Variants in CARD10 observed in about 807,000 individuals in gnomAD.
CARD10 encodes the protein caspase recruitment domain family member 10, also known as caspase recruitment domain-containing protein 10.
CARD10 carries 49 observed loss-of-function variants against 114.6 expected under a neutral mutation model. That is an observed-to-expected ratio of 0.43 (90% CI 0.34 to 0.54). The LOEUF (loss-of-function observed/expected upper bound fraction) is 0.54, where lower values mean the gene tolerates loss of function less well. Among genes scored for constraint, CARD10 ranks in the 20% least tolerant of loss-of-function variants. The pLI, the probability that CARD10 is intolerant of heterozygous loss-of-function variation, is 0.03. For missense variants in CARD10, 1,206 were observed against 1,397.2 expected (o/e 0.86, Z 2.18); for synonymous variants, 602 against 593.2 (o/e 1.01, Z -0.21).
chr22:37,502,013 C>T (rs1923232584), intron 11 of CARD10, among the ~76,000 whole-genome samples: 1 of 152,230 alleles, frequency 6.6e-6, no homozygotes, highest in Non-Finnish European at 1.5e-5. Context: ...CTGCCCCACC[C>T]CTCCCTTAGA....
chr22:37,491,224 G>C lies in CARD10; in HGVS notation c.3034C>G (p.Gln1012Glu). 6 of 1,568,888 alleles carry C rather than the reference G, an allele frequency of 3.8e-6. No individual in the cohort carries two copies. The highest frequency in any genetic ancestry group is 5.2e-6 in the Non-Finnish European group (6 of 1,161,088). Residue 1012 changes from glutamine to glutamate, a missense_variant, in exon 20 of 20, where the codon CAG becomes GAG. Physicochemically the swap from Gln to Glu is conservative, Grantham distance 29 (BLOSUM62 2). Transcript: ENST00000251973. ...KVVRGRILQE[Q>E]ARLVWVECGS... is the part of the protein sequence containing the mutation. Reference sequence around the variant, plus strand: ...CACTCCACCCACACGAGGCGGGCCTGCTCCTGCAGGATGCGGCCGCGCACC... The same window carrying C: ...CACTCCACCCACACGAGGCGGGCCTCCTCCTGCAGGATGCGGCCGCGCACC...
intron 19 of CARD10, 142 bp downstream of exon 19, chr22:37,491,611 AGG>A (rs1601806448): frequency 1.2e-5 from 4 of 338,390 alleles, no homozygotes; most frequent in Middle Eastern, 7.6e-4. Flanking sequence ...AGGAGGGGGG[AGG>A]GGGAGGGAGA....
chr22:37,495,639 C>T (rs1003610539), intron 14 of CARD10, 53 bp from the exon 15 acceptor site: 1 of 1,611,536 alleles, frequency 6.2e-7, no homozygotes, highest in Non-Finnish European at 8.5e-7. Flanking sequence ...CTCCTCATTT[C>T]TCCTCGAACC....
intron 14 of CARD10, 84 bp downstream of exon 14, chr22:37,495,676 G>C: frequency 6.2e-7 from 1 of 1,609,690 alleles, no homozygotes; most frequent in Non-Finnish European, 8.5e-7. Flanking sequence ...AGGATGGTGA[G>C]GGAATGCAGG....
rs1922842504 is a variant in CARD10 at position 37,492,575 on chromosome 22, G to A, written c.2636-25C>T. On this transcript the variant is annotated intron_variant, in intron 17 of 19. Transcript: ENST00000251973. This position sits in a 1 kb window ranked among gnomAD's most constrained non-coding sequence, Gnocchi z 5.7. ...TCTGCACAGGGAGTGGAGAGGGAGA[G>A]ATGAAGGATCCATGGGCCCGGCTGC... is the stretch of plus-strand genomic sequence containing the variant. 6.2e-7 allele frequency: 1 copy of A among 1,603,744 alleles called. No individual in the cohort carries two copies. Among genetic ancestry groups the A allele is most frequent in the Non-Finnish European group, 8.5e-7 (1 of 1,174,054 alleles).
At position 37,506,215 on chromosome 22, in the gene CARD10, C is replaced by T. The variant is rs776060684; in HGVS notation, c.1360G>A (p.Ala454Thr). The change falls in exon 7 of 20, where the codon GCC (alanine) becomes ACC (threonine). Residue 454 changes from alanine to threonine, a missense_variant. By Grantham distance (58) the Ala-to-Thr change is moderately conservative. Coordinates refer to ENST00000251973, the MANE Select transcript of CARD10 (RefSeq NM_014550.4). ...ACCTTGAGGCAGGTGCCACCCTGGG[C>T]CCGCTGCAGCTGAACCTCCAGCAGA... Reference protein sequence around the residue: ...KALLEVQLQRAQGGTCLKACA... With the variant: ...KALLEVQLQRTQGGTCLKACA... The T allele has an allele frequency of 1.3e-6, 2 of 1,585,432 alleles. No homozygotes were observed. The highest frequency in any genetic ancestry group is 1.3e-5 in the African/African-American group (1 of 74,238).
intron 19 of CARD10, among the ~76,000 whole-genome samples, 171 bp from the exon 20 acceptor site, chr22:37,491,564 AC>A (rs1569161270): frequency 3.2e-3 from 5 of 1,556 alleles, no homozygotes; most frequent in South Asian, 0.029. Flanking sequence ...GGAGGGAGAG[AC>A]GGGGGAGGGA....
At chr22:37,511,477 G>A (rs528877017) in intron 3 of CARD10, among the ~76,000 whole-genome samples, 30 of 149,150 alleles carry the variant, frequency 2.0e-4, no homozygotes, top group African/African-American at 5.4e-4. Context: ...AGGAGGAGGC[G>A]GGAGGAGGGC....
In CARD10 at chr22:37,501,316, G is replaced by A. The variant is rs1444043616; in HGVS notation, c.1787+1286C>T. 2.0e-5 allele frequency among the ~76,000 whole-genome samples: 3 copies of A among 152,244 alleles called. No individual in the cohort carries two copies. The highest frequency in any genetic ancestry group is 2.1e-4 in the South Asian group (1 of 4,822). On this transcript the variant is annotated intron_variant, in intron 11 of 19. Coordinates refer to ENST00000251973, the MANE Select transcript of CARD10 (RefSeq NM_014550.4). This position sits in a 1 kb window ranked among gnomAD's most constrained non-coding sequence, Gnocchi z 5.4. ...TCCTGCTCCCTGGCTGCATCCTGGC[G>A]CCCCCTGGACAACAGCCAGGACCCC... is the stretch of plus-strand genomic sequence containing the variant.
intron 1 of CARD10, among the ~76,000 whole-genome samples, chr22:37,518,595 G>A (rs1450124633): frequency 6.6e-6 from 1 of 152,166 alleles, no homozygotes; most frequent in Non-Finnish European, 1.5e-5. Flanking sequence ...GCACAGAGGA[G>A]GGGACAGACA....
chr22:37,509,427 C>T (rs1923532535), intron 4 of CARD10, among the ~76,000 whole-genome samples: 1 of 152,086 alleles, frequency 6.6e-6, no homozygotes, highest in African/African-American at 2.4e-5. Flanking sequence ...CAGGGACAGC[C>T]ACGTGCTAAG....
intron 4 of CARD10, among the ~76,000 whole-genome samples, chr22:37,509,771 T>A (rs1923560480): frequency 1.1e-5 from 1 of 90,298 alleles, no homozygotes; most frequent in Non-Finnish European, 2.4e-5. Flanking sequence ...CCGACCCCCA[T>A]GCCCATGGGC....
Position 37,491,810 on chromosome 22 carries a change from T to G in CARD10, c.2809A>C (p.Ile937Leu). The G allele has an allele frequency of 1.2e-6, 2 of 1,604,158 alleles. No homozygotes were observed. The highest frequency in any genetic ancestry group is 1.7e-6 in the Non-Finnish European group (2 of 1,177,098). ...RGVRELVQNE[I>L]YPIVIHVEVT... The stretch of plus-strand genomic sequence containing the variant: ...TCCACGTGGATGACGATGGGGTAGA[T>G]CTCGTTCTGCACCAGCTCCCGCACA... The change falls in exon 19 of 20, where the codon ATC becomes CTC. Residue 937 changes from isoleucine (I) to leucine (L), a missense_variant. Transcript: ENST00000251973.
At chr22:37,508,779 C>G in intron 4 of CARD10, 97 bp from the exon 5 acceptor site, 3 of 1,359,922 alleles carry the variant, frequency 2.2e-6, no homozygotes, top group Non-Finnish European at 2.0e-6. Context: ...CCTCCAAACC[C>G]ACCTGACCAG....
intron 14 of CARD10, 75 bp from the exon 15 acceptor site, chr22:37,495,661 C>T: frequency 6.2e-7 from 1 of 1,610,434 alleles, no homozygotes; most frequent in Non-Finnish European, 8.5e-7. Context: ...CCCGCCCTGT[C>T]CCAGAGGATG....
chr22:37,518,214 T>C, intron 1 of CARD10, 106 bp from the exon 2 acceptor site: 1 of 1,132,504 alleles, frequency 8.8e-7, no homozygotes, highest in Non-Finnish European at 1.3e-6. Flanking sequence ...CCCAGATTTT[T>C]GAGCCAGTGA....
At chr22:37,508,375 C>G (rs1381452583) in intron 5 of CARD10, 152 bp downstream of exon 5, 1 of 916,496 alleles carries the variant, frequency 1.1e-6, no homozygotes, top group Non-Finnish European at 1.6e-6. Context: ...ATCTCAAGCG[C>G]CTAGAAGGGT....
chr22:37,491,488 A>G, intron 19 of CARD10, 95 bp from the exon 20 acceptor site: 1 of 833,900 alleles, frequency 1.2e-6, no homozygotes, highest in Non-Finnish European at 1.7e-6. Flanking sequence ...AGAGTCAGAG[A>G]GAGAAGATGG....
intron 2 of CARD10, among the ~76,000 whole-genome samples, chr22:37,516,944 A>G (rs1156453246): frequency 1.3e-5 from 2 of 152,210 alleles, no homozygotes; most frequent in Non-Finnish European, 2.9e-5. Context: ...ATTATTTTTT[A>G]CATATCAGAA....
Sources: allele counts gnomAD v4.1 joint callset (sites outside exome capture counted in the v4.1 genomes callset), GRCh38; gene constraint gnomAD v4.1.1; non-coding constraint Gnocchi (gnomAD v3.1); transcripts MANE v1.5; gene names NCBI Gene and HGNC (gene_info 2026-07-23, HGNC 2026-07-21).